GTF2E2: variants seen among roughly 807,000 people sequenced by gnomAD.
GTF2E2 encodes the protein transcription initiation factor IIE subunit beta.
Under a neutral mutation model 40.5 loss-of-function variants are expected in GTF2E2, and 21 were observed. That is an observed-to-expected ratio of 0.52 (90% CI 0.37 to 0.75). GTF2E2 has a LOEUF of 0.75. GTF2E2 is among the 30% of genes least tolerant of loss of function. GTF2E2 has a pLI of 0.00. For synonymous variants in GTF2E2, 117 were observed against 121.6 expected (o/e 0.96, Z 0.25); for missense variants, 298 against 338.4 (o/e 0.88, Z 0.94).
intron 6 of GTF2E2, among the ~76,000 whole-genome samples, chr8:30,600,524 T>C (rs1394881625): frequency 1.3e-5 from 2 of 152,190 alleles, no homozygotes; most frequent in African/African-American, 4.8e-5. Context: ...AGAGGTTAAG[T>C]GTCTTGCCTA....
chr8:30,631,878 T>C (rs1341550476), intron 3 of GTF2E2, among the ~76,000 whole-genome samples: 1 of 152,122 alleles, frequency 6.6e-6, no homozygotes, highest in Admixed American at 6.6e-5. Context: ...GGCGGATCAC[T>C]TGAGGGATCC....
At chr8:30,635,603 A>G (rs1196453798) in intron 2 of GTF2E2, among the ~76,000 whole-genome samples, 9 of 151,926 alleles carry the variant, frequency 5.9e-5, no homozygotes, top group African/African-American at 2.2e-4. Context: ...GGCTGGTCTC[A>G]AACTCCTGGA....
At chr8:30,632,423 G>C (rs1801464633) in intron 3 of GTF2E2, among the ~76,000 whole-genome samples, 1 of 152,042 alleles carries the variant, frequency 6.6e-6, no homozygotes, top group Non-Finnish European at 1.5e-5. Context: ...GTTTGTTATG[G>C]CTAGTTGGTT....
At chr8:30,621,643 A>AT (rs1173529058) in intron 3 of GTF2E2, among the ~76,000 whole-genome samples, 1 of 151,880 alleles carries the variant, frequency 6.6e-6, no homozygotes, top group Non-Finnish European at 1.5e-5. Context: ...TCACTTTCTT[A>AT]TTTTTTTATT....
chr8:30,616,735 G>T (rs533457888), intron 3 of GTF2E2, among the ~76,000 whole-genome samples: 4 of 152,008 alleles, frequency 2.6e-5, no homozygotes, highest in Admixed American at 1.3e-4. Flanking sequence ...AGGAAGCTGT[G>T]GGGGGATGGG....
chr8:30,579,085 G>A (rs757015703), intron 7 of GTF2E2, 48 bp from the exon 8 acceptor site: 3 of 979,446 alleles, frequency 3.1e-6, no homozygotes, highest in South Asian at 2.6e-5. Flanking sequence ...GCTCTGAGGG[G>A]TGGTGTGGCC....
Position 30,658,200 on chromosome 8 carries a change from C to A in GTF2E2, c.-232G>T. 1.6e-5 allele frequency: 3 copies of A among 183,536 alleles called. 1 individual carries two copies. Among genetic ancestry groups the A allele is most frequent in the Non-Finnish European group, 3.4e-5 (3 of 89,288 alleles). 11.4% of individuals were successfully genotyped at this position (183,536 alleles called of 1,614,324 possible). A position where few individuals can be genotyped will look rare whatever the true frequency, so the allele number is the denominator to read the frequency against. ...GAGGCGGCGACTGGACCCGGGACTCCGCCCGCCACTTCCCGATCGGGTGCT... is the reference window on the plus strand; with the variant it reads ...GAGGCGGCGACTGGACCCGGGACTCAGCCCGCCACTTCCCGATCGGGTGCT... On this transcript the variant is annotated 5_prime_UTR_variant, in exon 1 of 8. Transcript: ENST00000355904.
chr8:30,597,812 G>A (rs1336480035), intron 6 of GTF2E2, among the ~76,000 whole-genome samples: 2 of 152,216 alleles, frequency 1.3e-5, no homozygotes. Context: ...GCTGTTTAAT[G>A]AATGTGGCTA....
intron 1 of GTF2E2, among the ~76,000 whole-genome samples, chr8:30,656,016 G>A (rs1048469126): frequency 2.0e-5 from 3 of 152,064 alleles, no homozygotes; most frequent in African/African-American, 4.8e-5. Flanking sequence ...CATTCACCAT[G>A]TTGGCCAAGC....
At chr8:30,633,146 C>T (rs763196388) in intron 3 of GTF2E2, among the ~76,000 whole-genome samples, 8 of 151,912 alleles carry the variant, frequency 5.3e-5, no homozygotes, top group African/African-American at 1.2e-4. Context: ...TAGAGCTTTA[C>T]GGTCATAGGA....
At chr8:30,591,240 C>T (rs1316230794) in intron 6 of GTF2E2, among the ~76,000 whole-genome samples, 1 of 152,178 alleles carries the variant, frequency 6.6e-6, no homozygotes, top group Non-Finnish European at 1.5e-5. Flanking sequence ...AATTCCAGCA[C>T]TTTGAAAGGC....
intron 3 of GTF2E2, among the ~76,000 whole-genome samples, chr8:30,624,943 G>T (rs1801222522): frequency 1.4e-5 from 2 of 145,302 alleles, no homozygotes; most frequent in Non-Finnish European, 3.0e-5. Context: ...ATACAATCAT[G>T]TCATCTGCAA....
chr8:30,629,105 T>C (rs1801365465), intron 3 of GTF2E2, among the ~76,000 whole-genome samples: 1 of 152,180 alleles, frequency 6.6e-6, no homozygotes, highest in Admixed American at 6.5e-5. Context: ...GACATATATA[T>C]TCATATCTTA....
chr8:30,636,001 T>C (rs1051734179), intron 2 of GTF2E2, among the ~76,000 whole-genome samples: 4 of 152,204 alleles, frequency 2.6e-5, no homozygotes, highest in Non-Finnish European at 5.9e-5. Context: ...ACATGGATGC[T>C]TACTTTAAAA....
rs527864401 is a variant in GTF2E2 at position 30,594,797 on chromosome 8, C to T, written c.643+12260G>A. Among the ~76,000 whole-genome samples, 14 of 150,098 alleles carry T rather than the reference C, an allele frequency of 9.3e-5. No individual in the cohort carries two copies. In the East Asian group the frequency reaches 9.9e-4, roughly 11 times the overall value. ...ACTTGAACCCAGTAGGTGGAGGTTG[C>T]GGTGAGCCGAGATCACACCACTGCA... On this transcript the variant is annotated intron_variant, in intron 6 of 7. Coordinates refer to ENST00000355904, the MANE Select transcript of GTF2E2 (RefSeq NM_002095.6).
chr8:30,648,561 A>C (rs1802173896), intron 2 of GTF2E2, among the ~76,000 whole-genome samples: 1 of 152,228 alleles, frequency 6.6e-6, no homozygotes, highest in African/African-American at 2.4e-5. Context: ...GGCTGGGAAC[A>C]TAACTTTGGC....
rs79058919 is a variant in GTF2E2, at chr8:30,586,881, A to T, written c.644-6485T>A. Among the ~76,000 whole-genome samples the T allele has an allele frequency of 3.9e-3, 595 of 152,364 alleles. 4 individuals carry two copies. The highest frequency in any genetic ancestry group is 0.014 in the African/African-American group (571 of 41,588). ...CTCAAAATGGATTGAAGACTTAAACATAAGACCTGAACCTGTGAAAATACT... is the reference window on the plus strand; with the variant it reads ...CTCAAAATGGATTGAAGACTTAAACTTAAGACCTGAACCTGTGAAAATACT... On this transcript the variant is annotated intron_variant, in intron 6 of 7. Coordinates refer to ENST00000355904, the MANE Select transcript of GTF2E2 (RefSeq NM_002095.6).
intron 3 of GTF2E2, among the ~76,000 whole-genome samples, chr8:30,627,470 A>C (rs1176517947): frequency 6.6e-6 from 1 of 151,450 alleles, no homozygotes; most frequent in Non-Finnish European, 1.5e-5. Flanking sequence ...AAAAAAAAAA[A>C]ACTCAGGACA....
At chr8:30,648,429 CA>C (rs202160728) in intron 2 of GTF2E2, among the ~76,000 whole-genome samples, 1,729 of 152,366 alleles carry the variant, frequency 0.011, 26 homozygotes, top group African/African-American at 0.038. Flanking sequence ...ACCTGGTCAA[CA>C]GCTAACCTAG....
Sources: gnomAD v4.1 joint callset for allele counts (sites outside exome capture counted in the v4.1 genomes callset) on GRCh38, gnomAD v4.1.1 for gene constraint, MANE v1.5 for transcripts, NCBI Gene and HGNC (gene_info 2026-07-23, HGNC 2026-07-21) for gene names.